Variants in ARMC2 observed in about 807,000 individuals in gnomAD.
ARMC2 encodes the protein armadillo repeat containing 2.
A neutral mutation model predicts 90.3 loss-of-function variants in ARMC2; 67 were observed. That is an observed-to-expected ratio of 0.74 (90% CI 0.61 to 0.91). ARMC2 has a LOEUF of 0.91. Among genes scored for constraint, ARMC2 ranks in the 40% least tolerant of loss-of-function variants. The probability of loss-of-function intolerance (pLI) is 0.00; values close to 1 mark genes in which losing one functional copy is unlikely to be tolerated. For missense variants in ARMC2, 920 were observed against 1,030.9 expected (o/e 0.89, Z 1.47); for synonymous variants, 393 against 393.0 (o/e 1.00, Z 0.00).
intron 17 of ARMC2, among the ~76,000 whole-genome samples, chr6:108,968,400 A>G (rs143632075): frequency 6.6e-6 from 1 of 152,074 alleles, no homozygotes; most frequent in Non-Finnish European, 1.5e-5. Context: ...GTGCAGGGGG[A>G]CTGTGGCATG....
the ARMC2 span, among the ~76,000 whole-genome samples, chr6:109,023,138 ATC>A: frequency 1.3e-5 from 2 of 152,322 alleles, no homozygotes; most frequent in Middle Eastern, 6.8e-3. Context: ...GTTCTATAAC[ATC>A]TCTCAATATA....
intron 3 of ARMC2, among the ~76,000 whole-genome samples, chr6:108,862,473 G>A (rs907530058): frequency 6.6e-6 from 1 of 151,850 alleles, no homozygotes; most frequent in Non-Finnish European, 1.5e-5. Context: ...TGTGGATTAT[G>A]TGAGGGTCTT....
At chr6:108,977,381 G>A (rs1339269015), downstream of ARMC2, among the ~76,000 whole-genome samples, 1 of 152,170 alleles carries the variant, frequency 6.6e-6, no homozygotes, top group East Asian at 1.9e-4. Context: ...TTTTTGATGT[G>A]CTGCTGGATT....
At chr6:108,939,594 G>T (rs373781846) in intron 12 of ARMC2, among the ~76,000 whole-genome samples, 2 of 152,308 alleles carry the variant, frequency 1.3e-5, no homozygotes, top group East Asian at 3.9e-4. Context: ...CCAGCAGCAT[G>T]CTTCCTGTAC....
Position 108,964,266 on chromosome 6 carries a change from G to C in ARMC2, c.2239G>C (p.Asp747His), listed in dbSNP as rs1293821831. Residue 747 changes from aspartate (D) to histidine (H), a missense_variant, in exon 16 of 18, where the codon GAT becomes CAT. Coordinates refer to ENST00000392644, the MANE Select transcript of ARMC2 (RefSeq NM_032131.6). The part of the protein sequence containing the change: ...ACGVLLNLTV[D>H]KDKRVILKEG... ...TGGTGTTCTCCTCAATCTCACTGTG[G>C]ATAAAGACAAGCGTGTCATCTTGAA... 1 of 1,613,954 alleles carries C rather than the reference G, an allele frequency of 6.2e-7. No individual in the cohort carries two copies. Among genetic ancestry groups the C allele is most frequent in the South Asian group, 1.1e-5 (1 of 91,074 alleles).
chr6:108,858,578 AAC>A (rs1178139152), intron 3 of ARMC2, among the ~76,000 whole-genome samples: 2 of 150,998 alleles, frequency 1.3e-5, no homozygotes, highest in Non-Finnish European at 3.0e-5. Flanking sequence ...TTATTTTCTT[AAC>A]AGTTATATAT....
At chr6:108,863,781 A>G (rs187129103) in intron 3 of ARMC2, among the ~76,000 whole-genome samples, 1 of 152,276 alleles carries the variant, frequency 6.6e-6, no homozygotes, top group African/African-American at 2.4e-5. Flanking sequence ...ATTTACACAA[A>G]CTAAACACAC....
chr6:108,985,373 G>A, the ARMC2 span, among the ~76,000 whole-genome samples: 1 of 152,016 alleles, frequency 6.6e-6, no homozygotes, highest in African/African-American at 2.4e-5. Context: ...CCTCTGGTTG[G>A]GGAAGGTTTT....
chr6:108,904,731 G>A (rs1443130673), intron 8 of ARMC2, among the ~76,000 whole-genome samples: 1 of 152,120 alleles, frequency 6.6e-6, no homozygotes, highest in Admixed American at 6.5e-5. Context: ...CATTCAAAAT[G>A]GTTGCTCAAA....
At chr6:108,895,008 C>T (rs548282001) in intron 6 of ARMC2, among the ~76,000 whole-genome samples, 3 of 151,034 alleles carry the variant, frequency 2.0e-5, no homozygotes, top group Non-Finnish European at 3.0e-5. Flanking sequence ...CCTCGTGATC[C>T]GCCTGCCTCA....
intron 4 of ARMC2, among the ~76,000 whole-genome samples, chr6:108,873,338 C>T (rs1241762492): frequency 2.6e-5 from 4 of 151,888 alleles, no homozygotes; most frequent in African/African-American, 7.3e-5. Context: ...TTGCTGAGCT[C>T]TGGTGGGGGT....
rs201778651 is a variant in ARMC2 at position 108,935,857 on chromosome 6, AG to A, written c.1497-1041del. Among the ~76,000 whole-genome samples, 406 of 152,262 alleles carry A rather than the reference AG, an allele frequency of 2.7e-3. 1 individual carries two copies. Among genetic ancestry groups the A allele is most frequent in the African/African-American group, 8.9e-3 (369 of 41,550 alleles). ...AGGTGTTCTTACATTTCCAAAAAAA[AG>A]GTTTTTTTAAATTTATTTTTTAAAT... On this transcript the variant is annotated intron_variant, in intron 11 of 17. Transcript: ENST00000392644.
At chr6:108,857,538 ATGATAC>A in intron 2 of ARMC2, among the ~76,000 whole-genome samples, 1 of 152,204 alleles carries the variant, frequency 6.6e-6, no homozygotes, top group East Asian at 1.9e-4. Context: ...GATGTTCTGT[ATGATAC>A]TGAAAAGCAG....
intron 5 of ARMC2, among the ~76,000 whole-genome samples, chr6:108,883,163 A>G (rs865911999): frequency 5.9e-5 from 9 of 152,346 alleles, no homozygotes; most frequent in Middle Eastern, 3.4e-3. Context: ...GTTTTCTTAA[A>G]GAATCACTCA....
At chr6:108,894,028 G>A (rs1358594655) in intron 5 of ARMC2, among the ~76,000 whole-genome samples, 1 of 152,018 alleles carries the variant, frequency 6.6e-6, no homozygotes, top group Non-Finnish European at 1.5e-5. Context: ...CCCACATATA[G>A]AGCACCAAAC....
intron 11 of ARMC2, among the ~76,000 whole-genome samples, chr6:108,933,076 T>TA (rs1775703955): frequency 7.1e-6 from 1 of 141,428 alleles, no homozygotes; most frequent in Non-Finnish European, 1.5e-5. Flanking sequence ...AATTTTAAAA[T>TA]AGTTTTTTTT....
chr6:108,929,825 T>G (rs1332369654), intron 11 of ARMC2, among the ~76,000 whole-genome samples: 4 of 152,040 alleles, frequency 2.6e-5, no homozygotes, highest in African/African-American at 7.2e-5. Flanking sequence ...TCCAAACTCT[T>G]GGTCAGGCAC....
chr6:108,942,442 T>G (rs1776519896), intron 12 of ARMC2, among the ~76,000 whole-genome samples: 1 of 152,170 alleles, frequency 6.6e-6, no homozygotes, highest in African/African-American at 2.4e-5. Context: ...CAAATATGAT[T>G]TGTTTTTCCT....
chr6:109,025,343 G>A, the ARMC2 span, among the ~76,000 whole-genome samples: 1 of 151,768 alleles, frequency 6.6e-6, no homozygotes, highest in Non-Finnish European at 1.5e-5. Context: ...TTAGTATAAA[G>A]TGGGCTGGTT....
Sources: allele counts gnomAD v4.1 joint callset (sites outside exome capture counted in the v4.1 genomes callset), GRCh38; gene constraint gnomAD v4.1.1; transcripts MANE v1.5; gene names NCBI Gene and HGNC (gene_info 2026-07-23, HGNC 2026-07-21).